The following BAIAP3 variants were observed in gnomAD, a reference collection of about 807,000 sequenced individuals.
BAIAP3 encodes BAI1-associated protein 3.
In BAIAP3, 180 loss-of-function variants were observed where a neutral mutation model predicts 149.7. The ratio of observed to expected loss-of-function variants is 1.20; its 90% CI spans 1.07 to 1.36. BAIAP3 has a LOEUF of 1.36. BAIAP3 is among the 40% of genes most tolerant of loss of function. BAIAP3 has a pLI of 0.00. For missense variants in BAIAP3, 1,767 were observed against 1,563.4 expected, an observed-to-expected ratio of 1.13 and a Z score of -2.20; for synonymous variants, 845 against 670.7, an observed-to-expected ratio of 1.26 and a Z score of -4.02.
In BAIAP3 at chr16:1,341,039, A is replaced by G; in HGVS notation, c.468+58A>G. Reference sequence around the variant, plus strand: ...CAGCACGTGCCTGCGTGGCGGGGGCACGGGGCAAGGCCCTGTCACCTCCAT... The same window carrying G: ...CAGCACGTGCCTGCGTGGCGGGGGCGCGGGGCAAGGCCCTGTCACCTCCAT... On this transcript the variant is annotated intron_variant, in intron 6 of 33. Coordinates refer to ENST00000426824, the MANE Select transcript of BAIAP3 (RefSeq NM_001199097.2). The G allele has an allele frequency of 1.9e-6, 3 of 1,610,636 alleles. No homozygotes were observed. The South Asian group carries it at 3.3e-5, about 18-fold the overall frequency.
At chr16:1,337,733 A>G (rs899319592) in intron 1 of BAIAP3, among the ~76,000 whole-genome samples, 7 of 152,186 alleles carry the variant, frequency 4.6e-5, no homozygotes, top group Admixed American at 6.5e-5. Context: ...TCATGGCAAC[A>G]TGAGGGGAAC....
chr16:1,345,205 G>C, intron 21 of BAIAP3, 44 bp from the exon 22 acceptor site: 2 of 1,610,322 alleles, frequency 1.2e-6, no homozygotes, highest in African/African-American at 2.7e-5. Flanking sequence ...TGCTGGTTAA[G>C]GTGTCTGAGT....
intron 9 of BAIAP3, 31 bp from the exon 10 acceptor site, chr16:1,341,955 G>A: frequency 1.9e-6 from 3 of 1,583,360 alleles, no homozygotes; most frequent in Non-Finnish European, 2.6e-6. Context: ...GCGGGCTCCA[G>A]ACAAGCCAGG....
rs766414005 is a variant in BAIAP3, at chr16:1,347,911, G to A, written c.3043G>A (p.Val1015Met). Reference sequence around the variant, plus strand: ...TCCTGCAGGCTTAAGTGACCCCTTTGTGATCGTGGAGCTGGGCCCACCGCA... The same window carrying A: ...TCCTGCAGGCTTAAGTGACCCCTTTATGATCGTGGAGCTGGGCCCACCGCA... The part of the protein sequence containing the change: ...LDANGLSDPF[V>M]IVELGPPHLF... The change falls in exon 32 of 34, where the codon GTG (valine) becomes ATG (methionine). Residue 1015 changes from valine to methionine, a missense_variant. Coordinates refer to ENST00000426824, the MANE Select transcript of BAIAP3 (RefSeq NM_001199097.2). 1 of 1,611,964 alleles carries A rather than the reference G, an allele frequency of 6.2e-7. No homozygotes were observed. Among genetic ancestry groups the A allele is most frequent in the East Asian group, 2.2e-5 (1 of 44,884 alleles).
In BAIAP3 at chr16:1,345,796, C is replaced by A; in HGVS notation, c.2114C>A (p.Ala705Asp). 1 of 1,574,120 alleles carries A rather than the reference C, an allele frequency of 6.4e-7. No homozygotes were observed. Among genetic ancestry groups the A allele is most frequent in the Non-Finnish European group, 8.6e-7 (1 of 1,164,550 alleles). ...AGGCACAGCAGCTCCGCAGCCACTGCTGGTCTCTGCCTCAGCCACATCCAG... is the reference window on the plus strand; with the variant it reads ...AGGCACAGCAGCTCCGCAGCCACTGATGGTCTCTGCCTCAGCCACATCCAG... ...SSRHSSSAATAGLCLSHIQEL... is the reference protein window; with the variant it reads ...SSRHSSSAATDGLCLSHIQEL... The change falls in exon 23 of 34, where the codon GCT becomes GAT. Residue 705 changes from alanine to aspartate, a missense_variant. By Grantham distance (126) the Ala-to-Asp change is moderately radical. Coordinates refer to ENST00000426824, the MANE Select transcript of BAIAP3 (RefSeq NM_001199097.2).
rs2034512645 is a variant in BAIAP3, at chr16:1,348,089, T to C, written c.3150-7T>C. 6.2e-7 allele frequency: 1 copy of C among 1,601,774 alleles called. No individual in the cohort carries two copies. Among genetic ancestry groups the C allele is most frequent in the Non-Finnish European group, 8.5e-7 (1 of 1,179,096 alleles). The stretch of plus-strand genomic sequence containing the variant: ...GAGCGAGACTCCCGACTGGCCTCTG[T>C]CCGCAGTTCCGTGCCTGCCGAGGCG... On this transcript the variant is annotated splice_polypyrimidine_tract_variant and splice_region_variant and intron_variant, in intron 32 of 33. Coordinates refer to ENST00000426824, the MANE Select transcript of BAIAP3 (RefSeq NM_001199097.2).
chr16:1,337,799 G>T (rs780725458), intron 1 of BAIAP3, among the ~76,000 whole-genome samples: 2 of 152,354 alleles, frequency 1.3e-5, no homozygotes, highest in South Asian at 4.1e-4. Flanking sequence ...ATTTTCCAGC[G>T]GGGCCCGGCT....
Position 1,346,469 on chromosome 16 carries a change from C to G in BAIAP3, c.2521C>G (p.Gln841Glu). The G allele has an allele frequency of 6.2e-7, 1 of 1,612,442 alleles. No individual in the cohort carries two copies. Among genetic ancestry groups the G allele is most frequent in the Non-Finnish European group, 8.5e-7 (1 of 1,179,702 alleles). The change falls in exon 26 of 34, where the codon CAG becomes GAG. Residue 841 changes from glutamine (Q) to glutamate (E), a missense_variant. Physicochemically the swap from Gln to Glu is conservative, Grantham distance 29 (BLOSUM62 2). Coordinates refer to ENST00000426824, the MANE Select transcript of BAIAP3 (RefSeq NM_001199097.2). Reference protein sequence around the residue: ...KMVGDIRKYVQHISLSPDSIQ... With the variant: ...KMVGDIRKYVEHISLSPDSIQ... ...GGTGGGCGACATCCGCAAGTATGTACAGCACATCAGTCTCTCGCCTGACTC... is the reference window on the plus strand; with the variant it reads ...GGTGGGCGACATCCGCAAGTATGTAGAGCACATCAGTCTCTCGCCTGACTC...
Position 1,345,076 on chromosome 16 carries a change from C to T in BAIAP3, c.1917C>T (p.Arg639=). 1.9e-6 allele frequency: 3 copies of T among 1,612,612 alleles called. No individual in the cohort carries two copies. The highest frequency in any genetic ancestry group is 2.5e-6 in the Non-Finnish European group (3 of 1,179,990). The change falls in exon 21 of 34, where the codon CGC becomes CGT. Residue 639 remains arginine (R), a synonymous_variant. Coordinates refer to ENST00000426824, the MANE Select transcript of BAIAP3 (RefSeq NM_001199097.2). ...ACCTGACCCTGGCTGACCTCCAGCG[C>T]TTCTGGGATAGCATCCCTGGCCGGT... The part of the protein sequence containing the change: ...ELYLTLADLQ[R]FWDSIPGRDS...
Position 1,349,191 on chromosome 16 carries a change from G to T in BAIAP3, c.*709G>T. 1.8e-6 allele frequency: 1 copy of T among 553,304 alleles called. No homozygotes were observed. The highest frequency in any genetic ancestry group is 1.9e-5 in the African/African-American group (1 of 52,908). 34.3% of individuals were successfully genotyped at this position (553,304 alleles called of 1,614,324 possible). On this transcript the variant is annotated 3_prime_UTR_variant, in exon 34 of 34. Transcript: ENST00000426824. ...CCCTTCCAGGCAGAGCCGAGAGTTC[G>T]CCCCAACCCTTCCCCAGGCCCAGTG...
At chr16:1,337,591 C>T (rs1405519614) in intron 1 of BAIAP3, among the ~76,000 whole-genome samples, 2 of 152,188 alleles carry the variant, frequency 1.3e-5, no homozygotes, top group Non-Finnish European at 2.9e-5. Flanking sequence ...GTGGGGCCTT[C>T]CAGGGGGCTT....
chr16:1,343,188 T>C (rs2034051999), intron 14 of BAIAP3, 172 bp downstream of exon 14: 4 of 1,058,290 alleles, frequency 3.8e-6, no homozygotes, highest in African/African-American at 1.6e-5. Flanking sequence ...GGGGCGGTGC[T>C]ACGGGTAGGT....
At chr16:1,341,059 C>T (rs905022914) in intron 6 of BAIAP3, 70 bp from the exon 7 acceptor site, 5 of 1,611,312 alleles carry the variant, frequency 3.1e-6, no homozygotes, top group African/African-American at 1.3e-5. Context: ...GCCCTGTCAC[C>T]TCCATGCTAA....
In BAIAP3 at chr16:1,346,597, G is replaced by A. The variant is rs2034386870; in HGVS notation, c.2563-8G>A. On this transcript the variant is annotated splice_polypyrimidine_tract_variant and splice_region_variant and intron_variant, in intron 26 of 33. Transcript: ENST00000426824. Reference sequence around the variant, plus strand: ...GGGTAAGCCTGGCCTGACCACCCCTGCCCGCAGGCCGTGGCCCCGCTCATG... The same window carrying A: ...GGGTAAGCCTGGCCTGACCACCCCTACCCGCAGGCCGTGGCCCCGCTCATG... 11 of 1,544,322 alleles carry A rather than the reference G, an allele frequency of 7.1e-6. No individual in the cohort carries two copies. The highest frequency in any genetic ancestry group is 9.6e-6 in the Non-Finnish European group (11 of 1,143,892).
chr16:1,341,094 G>C (rs1219979065), intron 6 of BAIAP3, 35 bp from the exon 7 acceptor site: 38 of 1,610,560 alleles, frequency 2.4e-5, no homozygotes, highest in Non-Finnish European at 2.6e-5. Flanking sequence ...GGGCAGCTCA[G>C]CCTCACCAGG....
In BAIAP3 at chr16:1,347,698, C is replaced by T. The variant is rs774049657; in HGVS notation, c.2905-3C>T. ...CCAGCTGCGCTCACCCGCCTTTCCGCAGAGGACCCTGGAGCAGAACCGGTT... is the reference window on the plus strand; with the variant it reads ...CCAGCTGCGCTCACCCGCCTTTCCGTAGAGGACCCTGGAGCAGAACCGGTT... On this transcript the variant is annotated splice_polypyrimidine_tract_variant and splice_region_variant and intron_variant, in intron 30 of 33. Transcript: ENST00000426824. The T allele has an allele frequency of 1.2e-6, 2 of 1,610,832 alleles. No individual in the cohort carries two copies. Among genetic ancestry groups the T allele is most frequent in the Admixed American group, 1.7e-5 (1 of 59,930 alleles).
Position 1,347,990 on chromosome 16 carries a change from A to AC in BAIAP3, c.3125dup (p.Val1043CysfsTer254). The AC allele has an allele frequency of 6.2e-7, 1 of 1,610,698 alleles. No individual in the cohort carries two copies. Among genetic ancestry groups the AC allele is most frequent in the Non-Finnish European group, 8.5e-7 (1 of 1,179,918 alleles). ...ACCCAGGTGAAGACCCGGACGCTGC[A>AC]CCCTGTATACGACGAACTCTTCTAC... On this transcript the variant is annotated frameshift_variant, in exon 32 of 34. Coordinates refer to ENST00000426824, the MANE Select transcript of BAIAP3 (RefSeq NM_001199097.2). LOFTEE classifies it high-confidence loss of function.
intron 5 of BAIAP3, among the ~76,000 whole-genome samples, chr16:1,340,125 ATGCACAGG>A (rs2033796569): frequency 7.3e-6 from 1 of 137,602 alleles, no homozygotes; most frequent in African/African-American, 2.7e-5. Context: ...GTGCACACAG[ATGCACAGG>A]CACACAGGCT....
At chr16:1,336,138 CT>C in intron 1 of BAIAP3, 1 of 902,230 alleles carries the variant, frequency 1.1e-6, no homozygotes. Context: ...CCCATCGCCC[CT>C]GTCACACGCA....
Sources: allele counts gnomAD v4.1 joint callset (sites outside exome capture counted in the v4.1 genomes callset), GRCh38; gene constraint gnomAD v4.1.1; transcripts MANE v1.5; gene names NCBI Gene and HGNC (gene_info 2026-07-23, HGNC 2026-07-21).